GFM2: variants seen among roughly 807,000 people sequenced by gnomAD.
The protein encoded by GFM2 is ribosome-releasing factor 2, mitochondrial.
A neutral mutation model predicts 95.4 loss-of-function variants in GFM2; 72 were observed. The ratio of observed to expected loss-of-function variants is 0.76; its 90% CI spans 0.62 to 0.92. The LOEUF (loss-of-function observed/expected upper bound fraction) is 0.92, where lower values mean the gene tolerates loss of function less well. Among genes scored for constraint, GFM2 ranks in the 40% least tolerant of loss-of-function variants. The pLI is 0.00. For missense variants in GFM2, 825 were observed against 924.1 expected (o/e 0.89, Z 1.39); for synonymous variants, 276 against 317.5 (o/e 0.87, Z 1.39).
At chr5:74,744,535 CAATAT>C (rs971764543) in intron 10 of GFM2, among the ~76,000 whole-genome samples, 4 of 151,958 alleles carry the variant, frequency 2.6e-5, no homozygotes, top group Admixed American at 6.6e-5. Flanking sequence ...TATATACTAA[CAATAT>C]AATATAAAAT....
At position 74,759,351 on chromosome 5, in the gene GFM2, TATA is replaced by T. The variant is rs780565241; in HGVS notation, c.206+15_206+17del. ...CGTGACAGTCTATGGAAAAGCATGA[TATA>T]ATGATAGTACTTACTTAGCTATGGG... On this transcript the variant is annotated intron_variant, in intron 4 of 20. Transcript: ENST00000296805. The T allele has an allele frequency of 2.1e-6, 3 of 1,398,128 alleles. No individual in the cohort carries two copies. The highest frequency in any genetic ancestry group is 1.2e-5 in the South Asian group (1 of 81,904). 86.6% of individuals were successfully genotyped at this position (1,398,128 alleles called of 1,614,324 possible).
At position 74,736,761 on chromosome 5, in the gene GFM2, G is replaced by A. The variant is rs189622516; in HGVS notation, c.1510+35C>T. The stretch of plus-strand genomic sequence containing the variant: ...CAACTATTTTATATAAATTATCAGC[G>A]CACTAATTAGTTGACACACTAAGAC... On this transcript the variant is annotated intron_variant, in intron 15 of 20. Coordinates refer to ENST00000296805, the MANE Select transcript of GFM2 (RefSeq NM_032380.5). 213 of 1,611,160 alleles carry A rather than the reference G, an allele frequency of 1.3e-4. 1 individual carries two copies. Among genetic ancestry groups the A allele is most frequent in the Admixed American group, 7.0e-4 (42 of 59,796 alleles).
At chr5:74,749,364 C>T (rs1164365348) in intron 7 of GFM2, among the ~76,000 whole-genome samples, 1 of 152,176 alleles carries the variant, frequency 6.6e-6, no homozygotes, top group East Asian at 1.9e-4. Flanking sequence ...AGTTGCTCCA[C>T]ATCCTCACCA....
At chr5:74,765,128 C>T (rs928872942) in intron 1 of GFM2, 7 of 1,229,770 alleles carry the variant, frequency 5.7e-6, no homozygotes, top group Non-Finnish European at 7.3e-6. Context: ...AAGTTCAGGG[C>T]CTCATAGTCT....
intron 5 of GFM2, among the ~76,000 whole-genome samples, chr5:74,756,963 T>C (rs192520119): frequency 6.6e-6 from 1 of 152,136 alleles, no homozygotes; most frequent in East Asian, 1.9e-4. Flanking sequence ...ACACATTGGG[T>C]ACAGTGTACA....
chr5:74,766,197 T>G (rs539724881), intron 1 of GFM2, among the ~76,000 whole-genome samples: 1 of 151,158 alleles, frequency 6.6e-6, no homozygotes, highest in Non-Finnish European at 1.5e-5. Flanking sequence ...CTCGCTACTT[T>G]TGAGGCTGAG....
chr5:74,757,125 T>C (rs763108393), intron 5 of GFM2, among the ~76,000 whole-genome samples: 1 of 152,156 alleles, frequency 6.6e-6, no homozygotes, highest in Non-Finnish European at 1.5e-5. Context: ...CTTTTTAGAA[T>C]ATAAAGTCTA....
intron 19 of GFM2, among the ~76,000 whole-genome samples, chr5:74,723,549 T>C (rs1359724636): frequency 6.6e-6 from 1 of 152,194 alleles, no homozygotes; most frequent in Non-Finnish European, 1.5e-5. Flanking sequence ...TGTCCTCTAC[T>C]ATCTCTTCCC....
At chr5:74,744,108 G>T (rs1743246637) in intron 10 of GFM2, among the ~76,000 whole-genome samples, 1 of 152,146 alleles carries the variant, frequency 6.6e-6, no homozygotes, top group African/African-American at 2.4e-5. Context: ...ACATCATAGA[G>T]TGTACTTACA....
chr5:74,725,850 G>A, intron 18 of GFM2, 91 bp downstream of exon 18: 2 of 1,458,956 alleles, frequency 1.4e-6, no homozygotes, highest in Non-Finnish European at 1.9e-6. Context: ...CACTAACAAA[G>A]TTAGGAAAAA....
intron 16 of GFM2, 39 bp from the exon 17 acceptor site, chr5:74,730,437 A>T (rs1022704130): frequency 2.2e-6 from 3 of 1,395,072 alleles, no homozygotes; most frequent in Non-Finnish European, 2.9e-6. Flanking sequence ...TTAAGGGTAA[A>T]TTATATTTAT....
At chr5:74,761,882 G>A (rs1311495549) in intron 2 of GFM2, among the ~76,000 whole-genome samples, 1 of 152,138 alleles carries the variant, frequency 6.6e-6, no homozygotes, top group Non-Finnish European at 1.5e-5. Context: ...TTTGTTTCAT[G>A]AACTGCGTAT....
intron 4 of GFM2, 115 bp from the exon 5 acceptor site, chr5:74,759,061 A>G (rs1161301641): frequency 1.5e-6 from 1 of 672,620 alleles, no homozygotes; most frequent in Non-Finnish European, 2.6e-6. Context: ...TGTAAAAACT[A>G]GAAAAATGGA....
chr5:74,739,902 T>C, intron 12 of GFM2, 87 bp downstream of exon 12: 1 of 952,320 alleles, frequency 1.1e-6, no homozygotes, highest in Non-Finnish European at 1.5e-6. Flanking sequence ...TATTCAAAAA[T>C]GGTGATTTAA....
chr5:74,739,794 G>A (rs947392592), intron 12 of GFM2, among the ~76,000 whole-genome samples, 195 bp downstream of exon 12: 1 of 152,112 alleles, frequency 6.6e-6, no homozygotes, highest in East Asian at 1.9e-4. Context: ...AGCTCTATGT[G>A]TAAGACATCT....
At chr5:74,757,328 T>G (rs985747315) in intron 5 of GFM2, among the ~76,000 whole-genome samples, 1 of 151,762 alleles carries the variant, frequency 6.6e-6, no homozygotes, top group Non-Finnish European at 1.5e-5. Flanking sequence ...GAGAGCAAGA[T>G]CTTGATATTC....
At chr5:74,762,179 T>C (rs1280604944) in intron 2 of GFM2, among the ~76,000 whole-genome samples, 1 of 152,198 alleles carries the variant, frequency 6.6e-6, no homozygotes, top group Admixed American at 6.6e-5. Context: ...TGGTAAGGCT[T>C]CTTAGCAACA....
intron 1 of GFM2, chr5:74,765,086 T>A (rs1254359561): frequency 4.0e-6 from 5 of 1,256,706 alleles, no homozygotes; most frequent in Non-Finnish European, 5.2e-6. Context: ...ATGCCTGGCC[T>A]TGAATCCATT....
chr5:74,752,623 CACTT>C (rs1743776641), intron 5 of GFM2, among the ~76,000 whole-genome samples: 1 of 152,132 alleles, frequency 6.6e-6, no homozygotes, highest in African/African-American at 2.4e-5. Flanking sequence ...GTTTTAAAAA[CACTT>C]ACACAGTAGT....
Sources: allele counts gnomAD v4.1 joint callset (sites outside exome capture counted in the v4.1 genomes callset), GRCh38; gene constraint gnomAD v4.1.1; transcripts MANE v1.5; gene names NCBI Gene and HGNC (gene_info 2026-07-23, HGNC 2026-07-21).